SCFD2: variants seen among roughly 807,000 people sequenced by gnomAD.
SCFD2 encodes sec1 family domain containing 2, also known as sec1 family domain-containing protein 2.
In SCFD2, 54 loss-of-function variants were observed where a neutral mutation model predicts 58.9. The ratio of observed to expected loss-of-function variants is 0.92; its 90% CI spans 0.74 to 1.15. The LOEUF (loss-of-function observed/expected upper bound fraction) is 1.15. Ranked by LOEUF, SCFD2 falls within the 50% of genes most tolerant of loss-of-function variation. The probability of loss-of-function intolerance (pLI) is 0.00; values close to 1 mark genes in which losing one functional copy is unlikely to be tolerated. For synonymous variants in SCFD2, 321 were observed against 335.9 expected, an observed-to-expected ratio of 0.96 and a Z score of 0.49; for missense variants, 805 against 836.6, an observed-to-expected ratio of 0.96 and a Z score of 0.47.
chr4:53,071,611 T>C (rs1433393796), intron 5 of SCFD2, among the ~76,000 whole-genome samples: 1 of 152,114 alleles, frequency 6.6e-6, no homozygotes, highest in Non-Finnish European at 1.5e-5. Flanking sequence ...GCTCAAGGCA[T>C]GTTATCTTGC....
chr4:53,106,519 G>C (rs1371912901), intron 5 of SCFD2, among the ~76,000 whole-genome samples: 1 of 152,166 alleles, frequency 6.6e-6, no homozygotes, highest in Non-Finnish European at 1.5e-5. Flanking sequence ...GTTTAGAGAA[G>C]AACATAAATG....
rs572735445 is a variant in SCFD2, at chr4:53,139,407, C to T, written c.1561+5926G>A. Among the ~76,000 whole-genome samples the T allele has an allele frequency of 4.5e-5, 6 of 134,742 alleles. 1 individual carries two copies. Among genetic ancestry groups the T allele is most frequent in the South Asian group, 4.7e-4 (2 of 4,226 alleles). 88.4% of individuals were successfully genotyped at this position (134,742 alleles called of 152,430 possible). On this transcript the variant is annotated intron_variant, in intron 5 of 8. Coordinates refer to ENST00000401642, the MANE Select transcript of SCFD2 (RefSeq NM_152540.4). ...GTGAGGAGCGCCTCTTCCCGGCTGC[C>T]GGCCGTCATCCTGTCTAGGAAGTGA...
intron 4 of SCFD2, among the ~76,000 whole-genome samples, chr4:53,256,826 C>T (rs1441131126): frequency 2.0e-5 from 3 of 147,284 alleles, no homozygotes; most frequent in Admixed American, 6.8e-5. Context: ...TACAGTCCAG[C>T]TTCGGCTAGG....
At chr4:52,995,284 T>G (rs1340121073) in intron 5 of SCFD2, among the ~76,000 whole-genome samples, 2 of 152,128 alleles carry the variant, frequency 1.3e-5, no homozygotes, top group East Asian at 3.9e-4. Context: ...CCATAGGCAG[T>G]TCACAATAGG....
At chr4:53,071,894 C>T (rs1213560316) in intron 5 of SCFD2, among the ~76,000 whole-genome samples, 1 of 152,026 alleles carries the variant, frequency 6.6e-6, no homozygotes, top group African/African-American at 2.4e-5. Flanking sequence ...ATTGTTTCTA[C>T]TTTTTGATAC....
chr4:52,916,638 T>G (rs1382002530), intron 6 of SCFD2, among the ~76,000 whole-genome samples: 1 of 152,142 alleles, frequency 6.6e-6, no homozygotes, highest in Non-Finnish European at 1.5e-5. Flanking sequence ...GGCTTAGGTT[T>G]CCAGTCAACA....
intron 4 of SCFD2, among the ~76,000 whole-genome samples, chr4:53,213,777 T>C (rs1297992070): frequency 6.6e-6 from 1 of 152,070 alleles, no homozygotes; most frequent in Non-Finnish European, 1.5e-5. Flanking sequence ...TTTATATTAG[T>C]TATATCTCCT....
intron 5 of SCFD2, among the ~76,000 whole-genome samples, chr4:53,114,675 G>A (rs1445424784): frequency 6.6e-6 from 1 of 152,138 alleles, no homozygotes; most frequent in Admixed American, 6.6e-5. Flanking sequence ...AGAAAATTAA[G>A]AGAATTGCTT....
At chr4:53,181,898 C>CA in intron 4 of SCFD2, among the ~76,000 whole-genome samples, 1 of 152,252 alleles carries the variant, frequency 6.6e-6, no homozygotes, top group East Asian at 1.9e-4. Context: ...AACTCCCACT[C>CA]ACAATTGCTT....
chr4:53,116,372 C>T (rs1375998844), intron 5 of SCFD2, among the ~76,000 whole-genome samples: 1 of 152,062 alleles, frequency 6.6e-6, no homozygotes, highest in Non-Finnish European at 1.5e-5. Context: ...TCAATGTTTG[C>T]CATGGTAGGA....
chr4:53,126,376 C>T (rs979736162), intron 5 of SCFD2, among the ~76,000 whole-genome samples: 11 of 152,180 alleles, frequency 7.2e-5, no homozygotes, highest in African/African-American at 2.4e-4. Context: ...AGTGCAGTGG[C>T]GTGATCTCGG....
At chr4:53,211,232 A>G (rs1485476566) in intron 4 of SCFD2, among the ~76,000 whole-genome samples, 2 of 115,670 alleles carry the variant, frequency 1.7e-5, no homozygotes, top group African/African-American at 6.6e-5. Context: ...ACAGAGCAAG[A>G]CTCCATGTGA....
At chr4:53,253,475 A>C (rs1730476231) in intron 4 of SCFD2, among the ~76,000 whole-genome samples, 1 of 152,116 alleles carries the variant, frequency 6.6e-6, no homozygotes, top group Non-Finnish European at 1.5e-5. Context: ...AATAGCAAAG[A>C]CTTGAAACCA....
intron 5 of SCFD2, among the ~76,000 whole-genome samples, chr4:52,974,352 C>G (rs1212873652): frequency 9.9e-5 from 15 of 152,124 alleles, no homozygotes; most frequent in South Asian, 2.1e-4. Flanking sequence ...GTGCAAAAAT[C>G]ACAAGCATTC....
intron 4 of SCFD2, among the ~76,000 whole-genome samples, chr4:53,195,893 A>T (rs1161110854): frequency 6.6e-6 from 1 of 152,204 alleles, no homozygotes; most frequent in Non-Finnish European, 1.5e-5. Context: ...ACTTAACATC[A>T]CCATATGTGA....
chr4:53,213,248 T>C (rs1402506369), intron 4 of SCFD2, among the ~76,000 whole-genome samples: 1 of 152,088 alleles, frequency 6.6e-6, no homozygotes, highest in Non-Finnish European at 1.5e-5. Flanking sequence ...TGAGTAAAGA[T>C]AGAAATCAAA....
At chr4:53,287,564 C>T (rs1172890883) in intron 3 of SCFD2, among the ~76,000 whole-genome samples, 1 of 152,058 alleles carries the variant, frequency 6.6e-6, no homozygotes, top group African/African-American at 2.4e-5. Flanking sequence ...CAAGTTACAC[C>T]CTAAAACTCA....
rs117268949 is a variant in SCFD2 at position 53,217,331 on chromosome 4, T to C, written c.1311+56495A>G. Among the ~76,000 whole-genome samples the C allele has an allele frequency of 1.2e-3, 178 of 152,354 alleles. 1 individual carries two copies. In the East Asian group the frequency reaches 0.029, roughly 25 times the overall value. On this transcript the variant is annotated intron_variant, in intron 4 of 8. Transcript: ENST00000401642. ...CTTGCTTTATGAAACTGGGTGCCCG[T>C]GTATTGGGTGCACATATGTTTAGGA...
At chr4:52,927,995 A>T (rs1719901066) in intron 5 of SCFD2, among the ~76,000 whole-genome samples, 1 of 152,208 alleles carries the variant, frequency 6.6e-6, no homozygotes, top group African/African-American at 2.4e-5. Context: ...TGTATCTGTC[A>T]TCAATTTCAT....
Sources: allele counts gnomAD v4.1 joint callset (sites outside exome capture counted in the v4.1 genomes callset), GRCh38; gene constraint gnomAD v4.1.1; transcripts MANE v1.5; gene names NCBI Gene and HGNC (gene_info 2026-07-23, HGNC 2026-07-21).